The following INPP4B variants were observed in gnomAD, a reference collection of about 807,000 sequenced individuals.
The protein encoded by INPP4B is inositol polyphosphate-4-phosphatase type II B, also known as inositol polyphosphate 4-phosphatase type II.
Under a neutral mutation model 122.5 loss-of-function variants are expected in INPP4B, and 55 were observed. The observed-to-expected ratio is 0.45, with a 90% CI of 0.36 to 0.56. The LOEUF (loss-of-function observed/expected upper bound fraction) is 0.56, where lower values mean the gene tolerates loss of function less well. Among genes scored for constraint, INPP4B ranks in the 20% least tolerant of loss-of-function variants. The probability of loss-of-function intolerance (pLI) is 0.00; values close to 1 mark genes in which losing one functional copy is unlikely to be tolerated. For missense variants in INPP4B, 1,000 were observed against 1,097.7 expected (o/e 0.91, Z 1.26); for synonymous variants, 403 against 388.7 (o/e 1.04, Z -0.43).
At chr4:142,632,220 T>A (rs2150428513) in intron 2 of INPP4B, among the ~76,000 whole-genome samples, 1 of 152,276 alleles carries the variant, frequency 6.6e-6, no homozygotes, top group African/African-American at 2.4e-5. Context: ...GGGTCACCTT[T>A]GTTTTCACAT....
At position 142,294,784 on chromosome 4, in the gene INPP4B, C is replaced by G. The variant is rs1757848562; in HGVS notation, c.503+10674G>C. On this transcript the variant is annotated intron_variant, in intron 9 of 25. Coordinates refer to ENST00000262992, the MANE Select transcript of INPP4B (RefSeq NM_001101669.3). ...GAAACTGAAAAAGCAGACTTGAGAT[C>G]GTGCCACTGCACTCCAGCCCGGGCG... 2.2e-5 allele frequency among the ~76,000 whole-genome samples: 3 copies of G among 135,642 alleles called. No individual in the cohort carries two copies. The South Asian group carries it at 7.2e-4, about 33-fold the overall frequency. 89.0% of individuals were successfully genotyped at this position (135,642 alleles called of 152,430 possible).
At chr4:142,164,878 G>T (rs1452205714) in intron 16 of INPP4B, among the ~76,000 whole-genome samples, 2 of 151,600 alleles carry the variant, frequency 1.3e-5, no homozygotes, top group African/African-American at 4.8e-5. Flanking sequence ...GATTAAAAAC[G>T]TGAGCTACTG....
intron 15 of INPP4B, among the ~76,000 whole-genome samples, chr4:142,191,644 T>C (rs1351379384): frequency 1.3e-5 from 2 of 152,126 alleles, no homozygotes; most frequent in African/African-American, 2.4e-5. Flanking sequence ...GCAATAATAT[T>C]TGTGAGAAGG....
intron 1 of INPP4B, among the ~76,000 whole-genome samples, chr4:142,735,587 C>G (rs554358655): frequency 1.3e-5 from 2 of 152,184 alleles, no homozygotes; most frequent in South Asian, 4.2e-4. Flanking sequence ...AGCCATCGAG[C>G]AAAAGTAAGA....
At chr4:142,184,352 C>T (rs1832206550) in intron 15 of INPP4B, among the ~76,000 whole-genome samples, 1 of 152,154 alleles carries the variant, frequency 6.6e-6, no homozygotes, top group Non-Finnish European at 1.5e-5. Flanking sequence ...TAGTGAGGTG[C>T]AAGGAAACAC....
At chr4:142,357,070 T>C (rs1370898008) in intron 7 of INPP4B, among the ~76,000 whole-genome samples, 2 of 152,056 alleles carry the variant, frequency 1.3e-5, no homozygotes, top group African/African-American at 4.8e-5. Flanking sequence ...CCTATTTACC[T>C]CTTCATCTGG....
intron 7 of INPP4B, among the ~76,000 whole-genome samples, chr4:142,346,408 A>G (rs1780330199): frequency 6.6e-6 from 1 of 152,052 alleles, no homozygotes; most frequent in Admixed American, 6.6e-5. Context: ...GAGGCAAAAT[A>G]TTTTCAAATA....
At chr4:142,312,480 G>C (rs972607535) in intron 8 of INPP4B, among the ~76,000 whole-genome samples, 2 of 151,866 alleles carry the variant, frequency 1.3e-5, no homozygotes, top group Admixed American at 1.3e-4. Context: ...ACTGGGAACT[G>C]ATTGTCTCTC....
chr4:142,044,316 GA>G (rs1750059005), intron 25 of INPP4B, among the ~76,000 whole-genome samples: 2 of 152,210 alleles, frequency 1.3e-5, no homozygotes, highest in South Asian at 4.1e-4. Flanking sequence ...AAAACTGGGG[GA>G]ATGCTTACAT....
intron 2 of INPP4B, among the ~76,000 whole-genome samples, chr4:142,654,146 C>T (rs557217290): frequency 3.4e-4 from 51 of 152,056 alleles, no homozygotes; most frequent in Non-Finnish European, 6.3e-4. Context: ...CACATGTTCT[C>T]ACTCACAGGT....
intron 7 of INPP4B, among the ~76,000 whole-genome samples, chr4:142,391,821 T>C (rs1009645755): frequency 1.3e-5 from 2 of 152,154 alleles, no homozygotes; most frequent in African/African-American, 4.8e-5. Context: ...GAGAAAACAA[T>C]CAAAGCTTCA....
intron 7 of INPP4B, among the ~76,000 whole-genome samples, chr4:142,369,441 G>A (rs993773037): frequency 2.0e-5 from 3 of 151,718 alleles, no homozygotes; most frequent in African/African-American, 4.8e-5. Flanking sequence ...AGCCAGGCGT[G>A]GTGGCATGCC....
intron 1 of INPP4B, among the ~76,000 whole-genome samples, chr4:142,759,444 T>C (rs1770973807): frequency 6.6e-6 from 1 of 152,234 alleles, no homozygotes; most frequent in Admixed American, 6.5e-5. Context: ...CTAGTCCAAA[T>C]CCTTCCTCTT....
intron 7 of INPP4B, among the ~76,000 whole-genome samples, chr4:142,398,405 T>A (rs1351287211): frequency 0.12 from 1,219 of 9,768 alleles, 10 homozygotes; most frequent in Middle Eastern, 0.33. Flanking sequence ...AAAAAAAATA[T>A]ATATATATAT....
rs1361249176 is a variant in INPP4B at position 142,521,523 on chromosome 4, A to G, written c.-190-58797T>C. On this transcript the variant is annotated intron_variant, in intron 2 of 25. Transcript: ENST00000262992. ...ACTACAACAAGTACTGGCCACATTA[A>G]TCTAACAGGCATTAGCACTTTGCCA... Among the ~76,000 whole-genome samples the G allele has an allele frequency of 5.9e-5, 9 of 152,060 alleles. 1 individual carries two copies.
intron 17 of INPP4B, among the ~76,000 whole-genome samples, chr4:142,157,816 A>C (rs1273072167): frequency 1.3e-5 from 2 of 152,034 alleles, no homozygotes; most frequent in Admixed American, 6.6e-5. Flanking sequence ...TCATTAGCTC[A>C]AGTACTCATT....
intron 2 of INPP4B, among the ~76,000 whole-genome samples, chr4:142,680,545 G>T (rs184519876): frequency 1.3e-5 from 2 of 151,468 alleles, no homozygotes; most frequent in African/African-American, 4.8e-5. Context: ...AGAATCAAAG[G>T]GTTCTACTTG....
chr4:142,611,799 G>A (rs780406537), intron 2 of INPP4B, among the ~76,000 whole-genome samples: 1 of 151,758 alleles, frequency 6.6e-6, no homozygotes, highest in African/African-American at 2.4e-5. Flanking sequence ...CTCCCAAGCA[G>A]CTGGGATTAC....
intron 23 of INPP4B, among the ~76,000 whole-genome samples, chr4:142,088,213 T>A (rs1269240621): frequency 6.6e-6 from 1 of 152,144 alleles, no homozygotes; most frequent in Non-Finnish European, 1.5e-5. Context: ...AAGGGAGTTA[T>A]AAAATCAGAC....
Sources: gnomAD v4.1 joint callset for allele counts (sites outside exome capture counted in the v4.1 genomes callset) on GRCh38, gnomAD v4.1.1 for gene constraint, MANE v1.5 for transcripts, NCBI Gene and HGNC (gene_info 2026-07-23, HGNC 2026-07-21) for gene names.